MYO5B: variants seen among roughly 807,000 people sequenced by gnomAD.
MYO5B encodes the protein unconventional myosin-Vb.
A neutral mutation model predicts 229.3 loss-of-function variants in MYO5B; 143 were observed. The ratio of observed to expected loss-of-function variants is 0.62; its 90% confidence interval spans 0.54 to 0.72. The LOEUF is 0.72. MYO5B is among the 30% of genes least tolerant of loss of function. The pLI is 0.00. For synonymous variants in MYO5B, 918 were observed against 885.2 expected, an observed-to-expected ratio of 1.04 and a Z score of -0.66; for missense variants, 2,321 against 2,331.0, an observed-to-expected ratio of 1.00 and a Z score of 0.09.
chr18:50,159,113 G>C (rs2032725474), intron 1 of MYO5B, among the ~76,000 whole-genome samples: 2 of 152,206 alleles, frequency 1.3e-5, no homozygotes, highest in South Asian at 4.2e-4. Context: ...GGTTTGTCCA[G>C]AGCTGTCAAT....
At chr18:49,831,642 T>C (rs534688295) in intron 39 of MYO5B, among the ~76,000 whole-genome samples, 9 of 152,282 alleles carry the variant, frequency 5.9e-5, no homozygotes, top group Admixed American at 1.3e-4. Context: ...AAACTGGAAC[T>C]CTCATGCATT....
At chr18:49,863,868 G>C (rs943634300) in intron 28 of MYO5B, among the ~76,000 whole-genome samples, 2 of 152,164 alleles carry the variant, frequency 1.3e-5, no homozygotes, top group Non-Finnish European at 2.9e-5. Context: ...AACAGCAAGG[G>C]GTATAAGGTG....
intron 29 of MYO5B, among the ~76,000 whole-genome samples, chr18:49,862,749 C>T (rs1291516030): frequency 2.0e-5 from 3 of 152,156 alleles, no homozygotes; most frequent in African/African-American, 7.2e-5. Context: ...AGGTGAAATG[C>T]TTCCATTCCA....
intron 6 of MYO5B, among the ~76,000 whole-genome samples, chr18:49,991,388 C>T (rs1304428431): frequency 6.6e-6 from 1 of 152,028 alleles, no homozygotes; most frequent in Non-Finnish European, 1.5e-5. Context: ...AAGAATCTGC[C>T]ACAGACTCAA....
chr18:49,866,760 C>CCT (rs1475579355), intron 27 of MYO5B, among the ~76,000 whole-genome samples: 18 of 152,342 alleles, frequency 1.2e-4, no homozygotes, highest in South Asian at 2.1e-4. Context: ...CTGCTTAGAA[C>CCT]CTATCAATTA....
At chr18:50,139,197 T>A (rs1004548690) in intron 1 of MYO5B, among the ~76,000 whole-genome samples, 1 of 152,198 alleles carries the variant, frequency 6.6e-6, no homozygotes, top group African/African-American at 2.4e-5. Flanking sequence ...AGAAGACCAT[T>A]GGTTCCAAGA....
chr18:49,853,725 C>G, intron 30 of MYO5B, 78 bp from the exon 31 acceptor site: 2 of 1,361,622 alleles, frequency 1.5e-6, no homozygotes, highest in East Asian at 2.5e-5. Flanking sequence ...AGAAACATAA[C>G]AGGGGAGCAG....
At chr18:50,086,168 G>T (rs16951490) in intron 1 of MYO5B, among the ~76,000 whole-genome samples, 37,925 of 151,914 alleles carry the variant, frequency 0.25, 5,623 homozygotes, top group African/African-American at 0.42. Context: ...CTGTTTAACG[G>T]ATTTATGGCC....
intron 1 of MYO5B, among the ~76,000 whole-genome samples, chr18:50,194,020 C>G (rs970221111): frequency 2.0e-5 from 3 of 152,190 alleles, no homozygotes; most frequent in Non-Finnish European, 4.4e-5. Flanking sequence ...ACACCCTGCT[C>G]CCGGTTCGAC....
At chr18:50,153,096 T>G (rs1286561222) in intron 1 of MYO5B, among the ~76,000 whole-genome samples, 1 of 152,184 alleles carries the variant, frequency 6.6e-6, no homozygotes, top group African/African-American at 2.4e-5. Context: ...GATTCCCAGG[T>G]AGATCTTTCC....
Position 49,974,338 on chromosome 18 carries a change from C to A in MYO5B, c.1322+12G>T. 1.9e-6 allele frequency: 3 copies of A among 1,614,196 alleles called. No individual in the cohort carries two copies. The highest frequency in any genetic ancestry group is 2.5e-6 in the Non-Finnish European group (3 of 1,180,020). On this transcript the variant is annotated intron_variant, in intron 10 of 39. Coordinates refer to ENST00000285039, the MANE Select transcript of MYO5B (RefSeq NM_001080467.3). ...CAGGTAGCAGATAGAGCGAGACAGGCGGCAGGCCTACCCATAGATGTCCAG... is the reference window on the plus strand; with the variant it reads ...CAGGTAGCAGATAGAGCGAGACAGGAGGCAGGCCTACCCATAGATGTCCAG...
intron 4 of MYO5B, among the ~76,000 whole-genome samples, chr18:50,034,404 A>ATTG: frequency 6.6e-6 from 1 of 152,334 alleles, no homozygotes; most frequent in Non-Finnish European, 1.5e-5. Flanking sequence ...TGTACATCTC[A>ATTG]GATCAGTAAC....
intron 1 of MYO5B, chr18:50,063,671 A>G (rs2030746548): frequency 6.6e-6 from 1 of 152,244 alleles, no homozygotes; most frequent in Admixed American, 6.5e-5. Context: ...TATCATTTAA[A>G]TGAAACAAAA....
chr18:49,954,894 A>C (rs755031023), intron 12 of MYO5B, among the ~76,000 whole-genome samples: 1 of 152,204 alleles, frequency 6.6e-6, no homozygotes, highest in Non-Finnish European at 1.5e-5. Context: ...AAACTCACCT[A>C]GATACCATTG....
intron 1 of MYO5B, among the ~76,000 whole-genome samples, chr18:50,091,028 G>GC (rs1225302993): frequency 6.6e-6 from 1 of 152,174 alleles, no homozygotes; most frequent in Non-Finnish European, 1.5e-5. Flanking sequence ...TTGCTTACCG[G>GC]CAGGTATGTG....
At chr18:50,039,867 T>C (rs186636474) in intron 3 of MYO5B, among the ~76,000 whole-genome samples, 28 of 152,222 alleles carry the variant, frequency 1.8e-4, no homozygotes, top group African/African-American at 4.6e-4. Flanking sequence ...TACTTACTCC[T>C]CTCCCAGGAC....
At chr18:49,879,706 C>G (rs4939604) in intron 23 of MYO5B, among the ~76,000 whole-genome samples, 28,757 of 152,070 alleles carry the variant, frequency 0.19, 2,935 homozygotes, top group East Asian at 0.41. Context: ...GGGATTTGCT[C>G]AAAATCACAG....
At chr18:49,969,739 T>C (rs2025669884) in intron 10 of MYO5B, 3 of 152,244 alleles carry the variant, frequency 2.0e-5, no homozygotes, top group Admixed American at 2.0e-4. Context: ...GATGCTAATT[T>C]ATTATTAGGA....
chr18:50,090,841 T>C (rs2031432653), intron 1 of MYO5B, among the ~76,000 whole-genome samples: 1 of 152,172 alleles, frequency 6.6e-6, no homozygotes, highest in South Asian at 2.1e-4. Flanking sequence ...CATCCTCCTA[T>C]AGCATTAAGT....
Sources: allele counts gnomAD v4.1 joint callset (sites outside exome capture counted in the v4.1 genomes callset), GRCh38; gene constraint gnomAD v4.1.1; transcripts MANE v1.5; gene names NCBI Gene and HGNC (gene_info 2026-07-23, HGNC 2026-07-21).